PDX1: variants seen among roughly 807,000 people sequenced by gnomAD.
PDX1 encodes the protein pancreas/duodenum homeobox protein 1.
Under a neutral mutation model 11.1 loss-of-function variants are expected in PDX1, and 7 were observed. The ratio of observed to expected loss-of-function variants is 0.63; its 90% CI spans 0.36 to 1.19. The LOEUF (loss-of-function observed/expected upper bound fraction) is 1.19, where lower values mean the gene tolerates loss of function less well. PDX1 is among the 50% of genes most tolerant of loss of function. PDX1 has a pLI of 0.02. For synonymous variants in PDX1, 232 were observed against 196.2 expected (o/e 1.18, Z -1.53); for missense variants, 449 against 412.1 (o/e 1.09, Z -0.78).
At position 27,920,207 on chromosome 13, in the gene PDX1, C is replaced by A. The variant is rs1180499462; in HGVS notation, c.69C>A (p.Gly23=). 6.5e-7 allele frequency: 1 copy of A among 1,549,440 alleles called. No homozygotes were observed. The highest frequency in any genetic ancestry group is 1.2e-5 in the South Asian group (1 of 84,024). ...AGGACCCATGCGCGTTCCAGCGAGG[C>A]CCGGCGCCGGAGTTCAGCGCCAGCC... ...LYKDPCAFQR[G]PAPEFSASPP... is the part of the protein sequence containing the mutation. The change falls in exon 1 of 2, where the codon GGC becomes GGA. Residue 23 remains glycine (G), a synonymous_variant. Transcript: ENST00000381033.
chr13:27,921,434 C>A (rs935857048), intron 1 of PDX1, among the ~76,000 whole-genome samples: 3 of 152,230 alleles, frequency 2.0e-5, no homozygotes, highest in African/African-American at 7.2e-5. Flanking sequence ...GGGTCCTTTG[C>A]GGCCCCGCGC....
At position 27,924,607 on chromosome 13, in the gene PDX1, C is replaced by T. The variant is rs969702158; in HGVS notation, c.758C>T (p.Pro253Leu). The change falls in exon 2 of 2, where the codon CCC becomes CTC. Residue 253 changes from proline (P) to leucine (L), a missense_variant. Around this residue, in one of 3 missense-constraint regions of PDX1, gnomAD observed 139 missense variants for 121.4 expected, o/e 1.14. Coordinates refer to ENST00000381033, the MANE Select transcript of PDX1 (RefSeq NM_000209.4). The surrounding 1 kb of genome is among the most constrained non-coding windows in gnomAD (Gnocchi z 4.8). ...PPGGAVPPAAPVAAREGRLPP... is the reference protein window; with the variant it reads ...PPGGAVPPAALVAAREGRLPP... ...GGAGGTGCTGTGCCGCCCGCTGCCC[C>T]CGTTGCCGCCCGAGAGGGCCGCCTG... is the stretch of plus-strand genomic sequence containing the variant. The T allele has an allele frequency of 6.8e-7, 1 of 1,466,456 alleles. No homozygotes were observed. The highest frequency in any genetic ancestry group is 9.0e-7 in the Non-Finnish European group (1 of 1,114,582). The allele number at this position is 1,466,456 out of a possible 1,614,324, so 90.8% of individuals were successfully genotyped here.
chr13:27,924,228 C>T lies in PDX1; in HGVS notation c.407-28C>T, dbSNP rs1435889976. On this transcript the variant is annotated intron_variant, in intron 1 of 1. Transcript: ENST00000381033. This position sits in a 1 kb window ranked among gnomAD's most constrained non-coding sequence, Gnocchi z 4.8. ...TGGGGGCTGTGCGGGGCTCCGGGGG[C>T]CACACTCACGCCCTGTGTCGCCCGC... 1 of 1,547,078 alleles carries T rather than the reference C, an allele frequency of 6.5e-7. No individual in the cohort carries two copies. The highest frequency in any genetic ancestry group is 1.9e-5 in the Admixed American group (1 of 53,366).
Position 27,922,151 on chromosome 13 carries a change from C to T in PDX1, c.406+1607C>T, listed in dbSNP as rs981525277. On this transcript the variant is annotated intron_variant, in intron 1 of 1. Coordinates refer to ENST00000381033, the MANE Select transcript of PDX1 (RefSeq NM_000209.4). Reference sequence around the variant, plus strand: ...GTGGAGTAACTTCCCTATCCCAACCCAAGGGGTGATACCTCTGCTCTGGAG... The same window carrying T: ...GTGGAGTAACTTCCCTATCCCAACCTAAGGGGTGATACCTCTGCTCTGGAG... Among the ~76,000 whole-genome samples the T allele has an allele frequency of 3.9e-5, 6 of 152,344 alleles. No individual in the cohort carries two copies. The East Asian group carries it at 1.2e-3, about 29-fold the overall frequency.
At position 27,920,043 on chromosome 13, in the gene PDX1, G is replaced by T; in HGVS notation, c.-96G>T. 2.1e-6 allele frequency: 3 copies of T among 1,433,334 alleles called. No homozygotes were observed. The highest frequency in any genetic ancestry group is 1.9e-6 in the Non-Finnish European group (2 of 1,043,262). 88.8% of individuals were successfully genotyped at this position (1,433,334 alleles called of 1,614,324 possible). ...TCAAAGCGAGCAGGGGTGGCGCCGG[G>T]AGTGGGAACGCCACACAGTGCCAAA... On this transcript the variant is annotated 5_prime_UTR_variant, in exon 1 of 2. Coordinates refer to ENST00000381033, the MANE Select transcript of PDX1 (RefSeq NM_000209.4).
Position 27,924,624 on chromosome 13 carries a change from G to C in PDX1, c.775G>C (p.Gly259Arg). 6.8e-7 allele frequency: 1 copy of C among 1,473,270 alleles called. No individual in the cohort carries two copies. 91.3% of individuals were successfully genotyped at this position (1,473,270 alleles called of 1,614,324 possible). The change falls in exon 2 of 2, where the codon GGC (glycine) becomes CGC (arginine). Residue 259 changes from glycine to arginine, a missense_variant. By Grantham distance (125) the Gly-to-Arg change is moderately radical. Coordinates refer to ENST00000381033, the MANE Select transcript of PDX1 (RefSeq NM_000209.4). This position sits in a 1 kb window ranked among gnomAD's most constrained non-coding sequence, Gnocchi z 4.8. Reference sequence around the variant, plus strand: ...CGCTGCCCCCGTTGCCGCCCGAGAGGGCCGCCTGCCGCCTGGCCTTAGCGC... The same window carrying C: ...CGCTGCCCCCGTTGCCGCCCGAGAGCGCCGCCTGCCGCCTGGCCTTAGCGC... Reference protein sequence around the residue: ...PPAAPVAAREGRLPPGLSASP... With the variant: ...PPAAPVAARERRLPPGLSASP...
intron 1 of PDX1, among the ~76,000 whole-genome samples, chr13:27,923,389 T>C (rs1204591903): frequency 6.6e-6 from 1 of 152,188 alleles, no homozygotes; most frequent in Non-Finnish European, 1.5e-5. Context: ...CTGAGGGCAT[T>C]TGGGATCCAG....
At position 27,926,104 on chromosome 13, in the gene PDX1, CA is replaced by C. The variant is rs1261882660; in HGVS notation, c.*1404del. ...ATTTAACATTTTAAAAATTACCTAA[CA>C]GTTATTTACAAACAGGTCTGTGCAT... On this transcript the variant is annotated 3_prime_UTR_variant, in exon 2 of 2. Coordinates refer to ENST00000381033, the MANE Select transcript of PDX1 (RefSeq NM_000209.4). 1 of 152,186 alleles carries C rather than the reference CA, an allele frequency of 6.6e-6. No homozygotes were observed. Among genetic ancestry groups the C allele is most frequent in the Non-Finnish European group, 1.5e-5 (1 of 68,040 alleles). 9.4% of individuals were successfully genotyped at this position (152,186 alleles called of 1,614,324 possible). A position where few individuals can be genotyped will look rare whatever the true frequency, so the allele number is the denominator to read the frequency against.
At chr13:27,921,521 T>C (rs556027800) in intron 1 of PDX1, among the ~76,000 whole-genome samples, 139 of 152,336 alleles carry the variant, frequency 9.1e-4, no homozygotes, top group African/African-American at 3.2e-3. Context: ...CCACTTCTGG[T>C]CACACCTGCA....
In PDX1 at chr13:27,924,073, T is replaced by A. The variant is rs1316790828; in HGVS notation, c.407-183T>A. Reference sequence around the variant, plus strand: ...CTATCTTTATTAGGAAGGGCTTGAGTTACTAGGGAAGAGCTTCGCGCGCCT... The same window carrying A: ...CTATCTTTATTAGGAAGGGCTTGAGATACTAGGGAAGAGCTTCGCGCGCCT... On this transcript the variant is annotated intron_variant, in intron 1 of 1. Transcript: ENST00000381033. This position sits in a 1 kb window ranked among gnomAD's most constrained non-coding sequence, Gnocchi z 4.8. Among the ~76,000 whole-genome samples the A allele has an allele frequency of 3.3e-5, 5 of 152,106 alleles. No homozygotes were observed. The highest frequency in any genetic ancestry group is 1.2e-4 in the African/African-American group (5 of 41,412).
chr13:27,924,504 G>A lies in PDX1; in HGVS notation c.655G>A (p.Gly219Arg), dbSNP rs756067225. The change falls in exon 2 of 2, where the codon GGG (glycine) becomes AGG (arginine). Residue 219 changes from glycine (G) to arginine (R), a missense_variant. Around this residue, in one of 3 missense-constraint regions of PDX1, gnomAD observed 139 missense variants for 121.4 expected, o/e 1.14. Coordinates refer to ENST00000381033, the MANE Select transcript of PDX1 (RefSeq NM_000209.4). The surrounding 1 kb of genome is among the most constrained non-coding windows in gnomAD (Gnocchi z 4.8). ...CGGCGGGACAGCTGTCGGGGGTGGC[G>A]GGGTCGCGGAGCCTGAGCAGGACTG... ...RGGGTAVGGG[G>R]VAEPEQDCAV... 30 of 1,611,088 alleles carry A rather than the reference G, an allele frequency of 1.9e-5. No homozygotes were observed. In the Admixed American group the frequency reaches 4.2e-4, roughly 22 times the overall value.
rs1254037111 is a variant in PDX1, at chr13:27,920,044, A to T, written c.-95A>T. Reference sequence around the variant, plus strand: ...CAAAGCGAGCAGGGGTGGCGCCGGGAGTGGGAACGCCACACAGTGCCAAAT... The same window carrying T: ...CAAAGCGAGCAGGGGTGGCGCCGGGTGTGGGAACGCCACACAGTGCCAAAT... On this transcript the variant is annotated 5_prime_UTR_variant, in exon 1 of 2. Transcript: ENST00000381033. 9 of 1,438,172 alleles carry T rather than the reference A, an allele frequency of 6.3e-6. No homozygotes were observed. Among genetic ancestry groups the T allele is most frequent in the Non-Finnish European group, 5.7e-6 (6 of 1,047,564 alleles). 89.1% of individuals were successfully genotyped at this position (1,438,172 alleles called of 1,614,324 possible).
chr13:27,924,325 T>G lies in PDX1; in HGVS notation c.476T>G (p.Leu159Arg). 6.2e-7 allele frequency: 1 copy of G among 1,612,248 alleles called. No homozygotes were observed. Among genetic ancestry groups the G allele is most frequent in the Non-Finnish European group, 8.5e-7 (1 of 1,179,860 alleles). The stretch of plus-strand genomic sequence containing the variant: ...ACGGCCTACACGCGCGCACAGCTGC[T>G]AGAGCTGGAGAAGGAGTTCCTATTC... ...TRTAYTRAQLLELEKEFLFNK... is the reference protein window; with the variant it reads ...TRTAYTRAQLRELEKEFLFNK... The change falls in exon 2 of 2, where the codon CTA (leucine) becomes CGA (arginine). Residue 159 changes from leucine (L) to arginine (R), a missense_variant. By Grantham distance (102) the Leu-to-Arg change is moderately radical. Transcript: ENST00000381033. This position sits in a 1 kb window ranked among gnomAD's most constrained non-coding sequence, Gnocchi z 4.8.
Position 27,920,264 on chromosome 13 carries a change from C to T in PDX1, c.126C>T (p.Pro42=), listed in dbSNP as rs1566023975. The change falls in exon 1 of 2, where the codon CCC becomes CCT. Residue 42 remains proline, a synonymous_variant. Coordinates refer to ENST00000381033, the MANE Select transcript of PDX1 (RefSeq NM_000209.4). The part of the protein sequence containing the change: ...PPACLYMGRQ[P]PPPPPHPFPG... ...CGTGCCTGTACATGGGCCGCCAGCC[C>T]CCGCCGCCGCCGCCGCACCCGTTCC... is the stretch of plus-strand genomic sequence containing the variant. 1 of 1,540,434 alleles carries T rather than the reference C, an allele frequency of 6.5e-7. No individual in the cohort carries two copies. Among genetic ancestry groups the T allele is most frequent in the Non-Finnish European group, 8.8e-7 (1 of 1,142,506 alleles).
intron 1 of PDX1, among the ~76,000 whole-genome samples, chr13:27,922,570 T>C (rs1344895916): frequency 6.6e-6 from 1 of 152,226 alleles, no homozygotes; most frequent in African/African-American, 2.4e-5. Context: ...TCAGCAGCGC[T>C]GTCCAGCTGG....
Position 27,924,969 on chromosome 13 carries a change from G to A in PDX1, c.*268G>A. ...GGCCCTCTTTTAGTGATACTGGATT[G>A]GCGTTGTTTGTGGCTGTTGCGCACA... is the stretch of plus-strand genomic sequence containing the variant. On this transcript the variant is annotated 3_prime_UTR_variant, in exon 2 of 2. Coordinates refer to ENST00000381033, the MANE Select transcript of PDX1 (RefSeq NM_000209.4). The surrounding 1 kb of genome is among the most constrained non-coding windows in gnomAD (Gnocchi z 4.8). 2.5e-6 allele frequency: 1 copy of A among 395,040 alleles called. No homozygotes were observed. The highest frequency in any genetic ancestry group is 4.4e-6 in the Non-Finnish European group (1 of 226,200). The allele number at this position is 395,040 out of a possible 1,614,324, so 24.5% of individuals were successfully genotyped here.
At position 27,924,511 on chromosome 13, in the gene PDX1, C is replaced by T; in HGVS notation, c.662C>T (p.Ala221Val). ...ACAGCTGTCGGGGGTGGCGGGGTCG[C>T]GGAGCCTGAGCAGGACTGCGCCGTG... ...GGTAVGGGGV[A>V]EPEQDCAVTS... The change falls in exon 2 of 2, where the codon GCG (alanine) becomes GTG (valine). Residue 221 changes from alanine (A) to valine (V), a missense_variant. Around this residue, in one of 3 missense-constraint regions of PDX1, gnomAD observed 139 missense variants for 121.4 expected, o/e 1.14. Transcript: ENST00000381033. The surrounding 1 kb of genome is among the most constrained non-coding windows in gnomAD (Gnocchi z 4.8). 4 of 1,610,150 alleles carry T rather than the reference C, an allele frequency of 2.5e-6. No homozygotes were observed. The highest frequency in any genetic ancestry group is 3.4e-6 in the Non-Finnish European group (4 of 1,178,964).
At position 27,925,394 on chromosome 13, in the gene PDX1, CTT is replaced by C; in HGVS notation, c.*695_*696del. 1 of 154,628 alleles carries C rather than the reference CTT, an allele frequency of 6.5e-6. No individual in the cohort carries two copies. Among genetic ancestry groups the C allele is most frequent in the Non-Finnish European group, 1.3e-5 (1 of 75,190 alleles). The allele number at this position is 154,628 out of a possible 1,614,324, so 9.6% of individuals were successfully genotyped here. The stretch of plus-strand genomic sequence containing the variant: ...CCTGCTCTCCTTTCCTCCCCCTCCT[CTT>C]TCTCCTCCTCCTCCTCTTCTTCCCC... On this transcript the variant is annotated 3_prime_UTR_variant, in exon 2 of 2. Coordinates refer to ENST00000381033, the MANE Select transcript of PDX1 (RefSeq NM_000209.4).
chr13:27,924,270 G>T lies in PDX1; in HGVS notation c.421G>T (p.Ala141Ser), dbSNP rs748882815. Residue 141 changes from alanine to serine, a missense_variant, in exon 2 of 2, where the codon GCG becomes TCG. Transcript: ENST00000381033. This position sits in a 1 kb window ranked among gnomAD's most constrained non-coding sequence, Gnocchi z 4.8. ...KGQWAGGAYA[A>S]EPEENKRTRT... ...GTCGCCCGCAGGCGGCGCCTACGCTGCGGAGCCGGAGGAGAACAAGCGGAC... is the reference window on the plus strand; with the variant it reads ...GTCGCCCGCAGGCGGCGCCTACGCTTCGGAGCCGGAGGAGAACAAGCGGAC... 2 of 1,604,410 alleles carry T rather than the reference G, an allele frequency of 1.2e-6. No individual in the cohort carries two copies. Among genetic ancestry groups the T allele is most frequent in the East Asian group, 4.5e-5 (2 of 44,666 alleles).
Sources: gnomAD v4.1 joint callset for allele counts (sites outside exome capture counted in the v4.1 genomes callset) on GRCh38, gnomAD v4.1.1 for gene constraint, gnomAD v4.1.1 regional missense constraint, Gnocchi (gnomAD v3.1) non-coding constraint, MANE v1.5 for transcripts, NCBI Gene and HGNC (gene_info 2026-07-23, HGNC 2026-07-21) for gene names.